RAF1: variants seen among roughly 807,000 people sequenced by gnomAD.
RAF1 encodes Raf-1 proto-oncogene, serine/threonine kinase.
A neutral mutation model predicts 81.1 loss-of-function variants in RAF1; 27 were observed. The observed-to-expected ratio is 0.33, with a 90% confidence interval of 0.25 to 0.46. RAF1 has a LOEUF of 0.46. Ranked by LOEUF, RAF1 falls within the 20% of genes least tolerant of loss-of-function variation. RAF1 has a pLI of 1.00. For missense variants in RAF1, 598 were observed against 826.0 expected (o/e 0.72, Z 3.38); for synonymous variants, 298 against 294.0 (o/e 1.01, Z -0.14).
At chr3:12,612,738 AAGAAAGTGGTT>A (rs2059255020) in intron 2 of RAF1, among the ~76,000 whole-genome samples, 1 of 152,130 alleles carries the variant, frequency 6.6e-6, no homozygotes, top group African/African-American at 2.4e-5. Flanking sequence ...AGAGACAGTT[AAGAAAGTGGTT>A]AGAAAGTGGT....
intron 1 of RAF1, among the ~76,000 whole-genome samples, chr3:12,628,200 C>T (rs2059761778): frequency 6.6e-6 from 1 of 152,228 alleles, no homozygotes. Context: ...GTAGTTCATG[C>T]CTGTAATCCC....
chr3:12,634,027 G>C (rs1351509605), intron 1 of RAF1, among the ~76,000 whole-genome samples: 1 of 151,192 alleles, frequency 6.6e-6, no homozygotes, highest in Non-Finnish European at 1.5e-5. Context: ...AAGCCTCCTA[G>C]ATTCTGAAGG....
chr3:12,637,707 G>A (rs998330278), intron 1 of RAF1, among the ~76,000 whole-genome samples: 1 of 151,714 alleles, frequency 6.6e-6, no homozygotes, highest in African/African-American at 2.4e-5. Flanking sequence ...ACAAAAATCA[G>A]CCAGGTGTAG....
chr3:12,636,609 C>T (rs2060039963), intron 1 of RAF1, among the ~76,000 whole-genome samples: 1 of 151,896 alleles, frequency 6.6e-6, no homozygotes, highest in Admixed American at 6.6e-5. Flanking sequence ...AAGTTCAAGA[C>T]CAGCCTGGGC....
intron 9 of RAF1, 33 bp downstream of exon 8, chr3:12,600,355 A>G (rs775986702): frequency 1.9e-6 from 3 of 1,614,068 alleles, no homozygotes; most frequent in Non-Finnish European, 2.5e-6. Flanking sequence ...AAAAAAGCCC[A>G]TTATTGTTGG....
intron 8 of RAF1, among the ~76,000 whole-genome samples, chr3:12,601,938 G>T (rs1418153591): frequency 6.6e-6 from 1 of 152,186 alleles, no homozygotes; most frequent in East Asian, 1.9e-4. Context: ...TGCCAGGTGG[G>T]CAAAACACTG....
chr3:12,608,737 CT>C, intron 5 of RAF1, 28 bp downstream of exon 5: 1 of 1,609,196 alleles, frequency 6.2e-7, no homozygotes, highest in Non-Finnish European at 8.5e-7. Context: ...TCATCCCTAT[CT>C]TCCTTGGATA....
At chr3:12,642,701 C>CACAT (rs1281085883) in intron 1 of RAF1, among the ~76,000 whole-genome samples, 1 of 149,202 alleles carries the variant, frequency 6.7e-6, no homozygotes, top group Non-Finnish European at 1.5e-5. Flanking sequence ...CACACACACA[C>CACAT]ACACACACAC....
chr3:12,647,189 G>A (rs1404721632), intron 1 of RAF1, among the ~76,000 whole-genome samples: 1 of 151,894 alleles, frequency 6.6e-6, no homozygotes, highest in Non-Finnish European at 1.5e-5. Flanking sequence ...CCAGCTACTC[G>A]GAAGGCTGAG....
intron 1 of RAF1, among the ~76,000 whole-genome samples, chr3:12,625,998 G>A (rs2059690559): frequency 6.6e-6 from 1 of 151,824 alleles, no homozygotes; most frequent in Non-Finnish European, 1.5e-5. Flanking sequence ...GGGCGCAGTG[G>A]CTCACGCCTG....
chr3:12,638,186 T>C (rs934034276), intron 1 of RAF1, among the ~76,000 whole-genome samples: 1 of 152,252 alleles, frequency 6.6e-6, no homozygotes, highest in African/African-American at 2.4e-5. Context: ...TTCACCCTTA[T>C]AACCCACTGC....
chr3:12,588,828 G>C (rs1225691671), intron 13 of RAF1: 1 of 152,218 alleles, frequency 6.6e-6, no homozygotes, highest in Admixed American at 6.5e-5. Flanking sequence ...GTGATCCCCA[G>C]TGTTGGAGGT....
At chr3:12,660,159 A>AAT (rs3884298) in intron 1 of RAF1, among the ~76,000 whole-genome samples, 67,319 of 151,774 alleles carry the variant, frequency 0.44, 15,619 homozygotes, top group East Asian at 0.89. Flanking sequence ...GAGCAACTGT[A>AAT]ATATAATACT....
In RAF1 at chr3:12,600,219, G is replaced by A. The variant is rs5746220; in HGVS notation, c.983C>T (p.Pro328Leu). The change falls in exon 10 of 18, where the codon CCG becomes CTG. Residue 328 changes from proline to leucine, a missense_variant. Physicochemically the swap from Pro to Leu is moderately conservative, Grantham distance 98 (BLOSUM62 -3). Transcript: ENST00000442415. ...TCTTTGTGCTGGCACGGGGGTTTTC[G>A]GCTGTGACCAGCCTGTTGGGCTCAG... The A allele has an allele frequency of 9.8e-4, 1,579 of 1,614,118 alleles. 21 individuals are homozygous for A. The African/African-American group carries it at 0.019, about 19-fold the overall frequency.
chr3:12,610,896 G>A (rs2059187720), intron 3 of RAF1, among the ~76,000 whole-genome samples: 1 of 152,030 alleles, frequency 6.6e-6, no homozygotes, highest in African/African-American at 2.4e-5. Flanking sequence ...CCTCTATCTT[G>A]CCACCACCAT....
intron 1 of RAF1, among the ~76,000 whole-genome samples, chr3:12,648,435 A>T (rs1393824994): frequency 1.3e-5 from 2 of 152,184 alleles, no homozygotes; most frequent in Admixed American, 6.5e-5. Flanking sequence ...ACAAGTGGTT[A>T]AAAAAAATTA....
chr3:12,637,746 G>A (rs556145659), intron 1 of RAF1, among the ~76,000 whole-genome samples: 5 of 151,818 alleles, frequency 3.3e-5, no homozygotes, highest in Admixed American at 1.3e-4. Context: ...CCAGCTACTC[G>A]GAAGGCTGAG....
At position 12,635,890 on chromosome 3, in the gene RAF1, G is replaced by A. The variant is rs544645256; in HGVS notation, c.-26-17143C>T. Among the ~76,000 whole-genome samples, 303 of 145,820 alleles carry A rather than the reference G, an allele frequency of 2.1e-3. 1 individual carries two copies. The highest frequency in any genetic ancestry group is 6.6e-3 in the African/African-American group (260 of 39,354). ...CAGGAGGCTGAGGCAGGAGAATGGC[G>A]TGAACCCATGAGGTAGAGCTTGCAG... On this transcript the variant is annotated intron_variant, in intron 1 of 17. Transcript: ENST00000442415.
intron 1 of RAF1, among the ~76,000 whole-genome samples, chr3:12,628,256 T>C (rs1039744162): frequency 1.3e-5 from 2 of 152,108 alleles, no homozygotes; most frequent in South Asian, 4.1e-4. Context: ...GGCCCAGGAG[T>C]TTGAGACCAG....
Sources: allele counts gnomAD v4.1 joint callset (sites outside exome capture counted in the v4.1 genomes callset), GRCh38; gene constraint gnomAD v4.1.1; transcripts MANE v1.5; gene names NCBI Gene and HGNC (gene_info 2026-07-23, HGNC 2026-07-21).